Variants in SV2C observed in about 807,000 individuals in gnomAD.
SV2C encodes solute carrier family 22 member B3.
In SV2C, 49 loss-of-function variants were observed where a neutral mutation model predicts 79.7. The ratio of observed to expected loss-of-function variants is 0.61; its 90% CI spans 0.49 to 0.78. SV2C has a LOEUF of 0.78. Among genes scored for constraint, SV2C ranks in the 30% least tolerant of loss-of-function variants. The pLI is 0.00. For missense variants in SV2C, 833 were observed against 912.9 expected (o/e 0.91, Z 1.13); for synonymous variants, 334 against 333.2 (o/e 1.00, Z -0.03).
At chr5:76,212,888 T>C (rs1192169247) in intron 4 of SV2C, among the ~76,000 whole-genome samples, 2 of 152,216 alleles carry the variant, frequency 1.3e-5, no homozygotes, top group African/African-American at 4.8e-5. Context: ...ATAAGCATGA[T>C]CACCACTTTC....
chr5:76,071,556 T>A, the SV2C span, among the ~76,000 whole-genome samples: 1 of 152,148 alleles, frequency 6.6e-6, no homozygotes, highest in African/African-American at 2.4e-5. Flanking sequence ...TTAGACAGAC[T>A]ATTAATACCG....
chr5:76,199,217 A>G (rs1744359222), intron 3 of SV2C, among the ~76,000 whole-genome samples: 1 of 152,212 alleles, frequency 6.6e-6, no homozygotes, highest in Non-Finnish European at 1.5e-5. Context: ...GACCTTAAAT[A>G]AAAGACCATG....
At chr5:75,988,587 T>C in the SV2C span, among the ~76,000 whole-genome samples, 23 of 152,002 alleles carry the variant, frequency 1.5e-4, no homozygotes, top group African/African-American at 5.5e-4. Context: ...AGGCTGGAAC[T>C]GGAGAAAGCC....
chr5:76,023,674 ATG>A, the SV2C span, among the ~76,000 whole-genome samples: 2 of 133,216 alleles, frequency 1.5e-5, no homozygotes, highest in South Asian at 2.2e-4. Context: ...ATATATATGT[ATG>A]TGTGTGTGTA....
the SV2C span, among the ~76,000 whole-genome samples, chr5:76,015,168 C>T: frequency 6.6e-6 from 1 of 152,116 alleles, no homozygotes; most frequent in Non-Finnish European, 1.5e-5. Context: ...TTTACTCTGC[C>T]ACAGCAGATT....
the SV2C span, among the ~76,000 whole-genome samples, chr5:76,041,737 C>G: frequency 4.6e-5 from 7 of 152,164 alleles, no homozygotes; most frequent in African/African-American, 1.4e-4. Flanking sequence ...AATCTAAGTG[C>G]AAGATCTGCC....
chr5:76,086,517 G>T (rs567628638), intron 1 of SV2C, among the ~76,000 whole-genome samples: 1 of 152,166 alleles, frequency 6.6e-6, no homozygotes. Context: ...GTATTTCTTG[G>T]TTCCATGTTG....
chr5:76,181,566 C>A (rs1038350633), intron 2 of SV2C, among the ~76,000 whole-genome samples: 1 of 151,894 alleles, frequency 6.6e-6, no homozygotes, highest in African/African-American at 2.4e-5. Context: ...AGGTGAAGGG[C>A]AAGCAAGCAT....
At chr5:76,039,362 A>G in the SV2C span, among the ~76,000 whole-genome samples, 1 of 152,324 alleles carries the variant, frequency 6.6e-6, no homozygotes, top group South Asian at 2.1e-4. Context: ...TCTCATGTCC[A>G]TGTAGTTTGC....
At chr5:75,883,527 G>T in the SV2C span, among the ~76,000 whole-genome samples, 110 of 146,206 alleles carry the variant, frequency 7.5e-4, 3 homozygotes, top group East Asian at 0.017. Context: ...ATGAGTTCAT[G>T]TCCTTTGTAG....
the SV2C span, among the ~76,000 whole-genome samples, chr5:75,971,259 T>G: frequency 6.6e-6 from 1 of 152,046 alleles, no homozygotes; most frequent in Non-Finnish European, 1.5e-5. Flanking sequence ...CTTTGAAAAC[T>G]GGCACAAGAC....
rs553244448 is a variant in SV2C, at chr5:76,137,633, A to C, written c.580+5303A>C. ...AGGGGTTAGAGAGTCTTTCGGCCCC[A>C]AAATAACTAACAGCCAGAAGTAAAT... On this transcript the variant is annotated intron_variant, in intron 2 of 12. Coordinates refer to ENST00000502798, the MANE Select transcript of SV2C (RefSeq NM_014979.4). Among the ~76,000 whole-genome samples, 27 of 152,338 alleles carry C rather than the reference A, an allele frequency of 1.8e-4. No individual in the cohort carries two copies. In the South Asian group the frequency reaches 5.0e-3, roughly 28 times the overall value.
intron 8 of SV2C, among the ~76,000 whole-genome samples, chr5:76,293,034 G>T (rs757191865): frequency 6.6e-6 from 1 of 152,188 alleles, no homozygotes; most frequent in Non-Finnish European, 1.5e-5. Context: ...TGCCTGAGGA[G>T]GTGGAATACG....
chr5:76,292,131 T>C (rs916242613), intron 8 of SV2C, among the ~76,000 whole-genome samples: 3 of 152,180 alleles, frequency 2.0e-5, no homozygotes, highest in African/African-American at 7.2e-5. Flanking sequence ...TGTCCTCCTT[T>C]GCCCAGCCCC....
At chr5:76,300,290 A>G (rs1448118075) in intron 10 of SV2C, among the ~76,000 whole-genome samples, 2 of 151,748 alleles carry the variant, frequency 1.3e-5, no homozygotes, top group Non-Finnish European at 1.5e-5. Flanking sequence ...CTGGGATTAC[A>G]GGCATGAGGC....
intron 12 of SV2C, among the ~76,000 whole-genome samples, chr5:76,348,209 A>G (rs1315391304): frequency 6.6e-6 from 1 of 152,182 alleles, no homozygotes; most frequent in Non-Finnish European, 1.5e-5. Context: ...TTCACTTAGT[A>G]ATATGCATAT....
chr5:75,866,395 G>A, the SV2C span, among the ~76,000 whole-genome samples: 39,678 of 152,160 alleles, frequency 0.26, 7,773 homozygotes, highest in African/African-American at 0.55. Flanking sequence ...CGATGTGGCA[G>A]AGCTATTACT....
At chr5:75,968,820 G>C in the SV2C span, among the ~76,000 whole-genome samples, 1 of 152,216 alleles carries the variant, frequency 6.6e-6, no homozygotes, top group South Asian at 2.1e-4. Context: ...AGGAAATATA[G>C]AGAACACCAC....
the SV2C span, among the ~76,000 whole-genome samples, chr5:75,934,473 A>G: frequency 4.0e-5 from 6 of 151,822 alleles, no homozygotes; most frequent in Non-Finnish European, 5.9e-5. Flanking sequence ...TGTTTAGTAG[A>G]GACGGGGTTT....
Sources: allele counts gnomAD v4.1 joint callset (sites outside exome capture counted in the v4.1 genomes callset), GRCh38; gene constraint gnomAD v4.1.1; transcripts MANE v1.5; gene names NCBI Gene and HGNC (gene_info 2026-07-23, HGNC 2026-07-21).